The following FGF13 variants were observed in gnomAD, a reference collection of about 807,000 sequenced individuals.
FGF13 encodes fibroblast growth factor homologous factor 2.
In FGF13, 2 loss-of-function variants were observed where a neutral mutation model predicts 19.5. The observed-to-expected ratio is 0.10, with a 90% CI of 0.04 to 0.32. The LOEUF is 0.32. Ranked by LOEUF, FGF13 falls within the 10% of genes least tolerant of loss-of-function variation. The pLI is 1.00. For missense variants in FGF13, 113 were observed against 192.7 expected, an observed-to-expected ratio of 0.59 and a Z score of 2.45; for synonymous variants, 72 against 76.9, an observed-to-expected ratio of 0.94 and a Z score of 0.33.
chrX:139,093,184 A>C (rs1168247950), intron 1 of FGF13, among the ~76,000 whole-genome samples: 4 of 112,176 alleles, frequency 3.6e-5, no homozygotes, highest in Non-Finnish European at 5.6e-5. Context: ...AGAGATGTAA[A>C]ATTAGTCAGT....
At chrX:138,917,317 T>C (rs1054154396) in intron 1 of FGF13, among the ~76,000 whole-genome samples, 1 of 111,621 alleles carries the variant, frequency 9.0e-6, no homozygotes, top group Admixed American at 9.5e-5. Context: ...CTATAATTAC[T>C]GTTCTCACAA....
intron 1 of FGF13, among the ~76,000 whole-genome samples, chrX:138,979,455 A>G (rs2091954556): frequency 9.1e-6 from 1 of 110,095 alleles, no homozygotes; most frequent in Non-Finnish European, 1.9e-5. Context: ...ACATGTAAAC[A>G]ATGTGCAGGC....
At chrX:139,097,457 G>A (rs929919789) in intron 1 of FGF13, among the ~76,000 whole-genome samples, 5 of 111,238 alleles carry the variant, frequency 4.5e-5, no homozygotes, top group African/African-American at 1.3e-4. Flanking sequence ...GGATGAGATC[G>A]GGTGCATTCA....
rs1270053683 is a variant in FGF13, at chrX:138,620,874, T to TAAC, written c.*11973_*11975dup. ...AAAACAGACTTAAAGTCACAAACTG[T>TAAC]AACAAGAGACAAAGAATGCCATTAT... On this transcript the variant is annotated 3_prime_UTR_variant, in exon 5 of 5. Transcript: ENST00000315930. 9.0e-6 allele frequency: 1 copy of TAAC among 111,576 alleles called. No individual in the cohort carries two copies. The highest frequency in any genetic ancestry group is 2.8e-4 in the East Asian group (1 of 3,555). 9.2% of individuals were successfully genotyped at this position (111,576 alleles called of 1,213,427 possible).
intron 1 of FGF13, among the ~76,000 whole-genome samples, chrX:139,058,661 A>C (rs1366761066): frequency 1.8e-5 from 2 of 112,283 alleles, no homozygotes; most frequent in Non-Finnish European, 3.8e-5. Context: ...AGTAAGATGA[A>C]AAAATCTGTA....
At chrX:138,728,435 C>A (rs2090202326) in intron 1 of FGF13, among the ~76,000 whole-genome samples, 1 of 111,935 alleles carries the variant, frequency 8.9e-6, no homozygotes, top group Non-Finnish European at 1.9e-5. Context: ...CTCAAGTATG[C>A]ACAGAGTTTT....
chrX:138,750,287 A>G (rs955343164), intron 3 of FGF13, among the ~76,000 whole-genome samples: 1 of 112,137 alleles, frequency 8.9e-6, no homozygotes, highest in Non-Finnish European at 1.9e-5. Flanking sequence ...GGTTAGGTGA[A>G]AACAGTTGTT....
chrX:138,854,610 T>A (rs1288875493), downstream of FGF13, among the ~76,000 whole-genome samples: 3 of 112,329 alleles, frequency 2.7e-5, no homozygotes, highest in Non-Finnish European at 5.6e-5. Flanking sequence ...TTTTATCAAT[T>A]TAGTAATTCC....
Position 138,711,458 on chromosome X carries a change from G to T in FGF13, c.-455C>A. 1 of 715,493 alleles carries T rather than the reference G, an allele frequency of 1.4e-6. No homozygotes were observed. The highest frequency in any genetic ancestry group is 1.7e-6 in the Non-Finnish European group (1 of 602,174). The allele number at this position is 715,493 out of a possible 1,213,427, so 59.0% of individuals were successfully genotyped here. A position where few individuals can be genotyped will look rare whatever the true frequency, so the allele number is the denominator to read the frequency against. On this transcript the variant is annotated 5_prime_UTR_variant, in exon 1 of 5. Coordinates refer to ENST00000315930, the MANE Select transcript of FGF13 (RefSeq NM_004114.5). Reference sequence around the variant, plus strand: ...GGGAGTGAGCGCGGGCGGGAGAGAGGCCGGGAGCTCGGGCGGCCGGACGGA... The same window carrying T: ...GGGAGTGAGCGCGGGCGGGAGAGAGTCCGGGAGCTCGGGCGGCCGGACGGA...
intron 1 of FGF13, among the ~76,000 whole-genome samples, chrX:139,181,656 G>A (rs1252134802): frequency 8.9e-6 from 1 of 112,636 alleles, no homozygotes; most frequent in Non-Finnish European, 1.9e-5. Flanking sequence ...CACTATGCTT[G>A]AATTACACTA....
intron 3 of FGF13, among the ~76,000 whole-genome samples, chrX:138,803,007 C>A (rs2090841099): frequency 9.0e-6 from 1 of 111,729 alleles, no homozygotes; most frequent in Non-Finnish European, 1.9e-5. Context: ...AAACCTCAGA[C>A]TCATTGTTTT....
rs1190806443 is a variant in FGF13 at position 138,616,642 on chromosome X, T to TG, written c.*16207dup. The TG allele has an allele frequency of 8.9e-6, 1 of 112,386 alleles. No homozygotes were observed. The highest frequency in any genetic ancestry group is 1.9e-5 in the Non-Finnish European group (1 of 53,230). The allele number at this position is 112,386 out of a possible 1,213,427, so 9.3% of individuals were successfully genotyped here. On this transcript the variant is annotated 3_prime_UTR_variant, in exon 5 of 5. Coordinates refer to ENST00000315930, the MANE Select transcript of FGF13 (RefSeq NM_004114.5). ...ATACAGTGCCCCAGTGAAGACTCTG[T>TG]GGGGGAGCTCCAACCCCACATTTCC...
chrX:138,847,813 G>T (rs1569410411), intron 3 of FGF13, among the ~76,000 whole-genome samples: 1 of 111,722 alleles, frequency 9.0e-6, no homozygotes, highest in South Asian at 3.7e-4. Context: ...TGCAGTAGCC[G>T]ATTACATTTA....
intron 3 of FGF13, among the ~76,000 whole-genome samples, chrX:138,659,740 G>A (rs979199724): frequency 1.8e-5 from 2 of 111,938 alleles, no homozygotes; most frequent in African/African-American, 6.5e-5. Context: ...AAAAAAGAAT[G>A]CGTTCATGTC....
intron 1 of FGF13, among the ~76,000 whole-genome samples, chrX:138,729,418 A>T (rs921978253): frequency 9.9e-5 from 11 of 111,044 alleles, no homozygotes; most frequent in African/African-American, 3.3e-4. Context: ...TGAATATAGT[A>T]GAGAAAGGAA....
chrX:138,634,841 G>A (rs2089164230), intron 4 of FGF13, among the ~76,000 whole-genome samples: 1 of 112,024 alleles, frequency 8.9e-6, no homozygotes, highest in African/African-American at 3.3e-5. Context: ...ACAGTATGGA[G>A]AATCCTTAAA....
chrX:138,890,359 G>T (rs1480545699), intron 1 of FGF13, among the ~76,000 whole-genome samples: 1 of 111,875 alleles, frequency 8.9e-6, no homozygotes, highest in East Asian at 2.8e-4. Context: ...ATAAGATAGT[G>T]ATAGTGCTTC....
chrX:138,889,696 C>A (rs2091467157), intron 1 of FGF13, among the ~76,000 whole-genome samples: 1 of 111,300 alleles, frequency 9.0e-6, no homozygotes, highest in African/African-American at 3.3e-5. Flanking sequence ...CATGAAAAAT[C>A]ATTCTCATTC....
At position 138,962,115 on chromosome X, in the gene FGF13, C is replaced by G. The variant is rs6635736; in HGVS notation, c.-112-97465G>C. On this transcript the variant is annotated intron_variant, in intron 1 of 2. Coordinates refer to the FGF13 transcript ENST00000421460. ...ACCCATTTGAAAAAGGGTTAATATGCAGAATCTACAAAGAACTTAAACAAA... is the reference window on the plus strand; with the variant it reads ...ACCCATTTGAAAAAGGGTTAATATGGAGAATCTACAAAGAACTTAAACAAA... 9.1e-3 allele frequency among the ~76,000 whole-genome samples: 1,007 copies of G among 110,781 alleles called. 11 individuals are homozygous for G. Among genetic ancestry groups the G allele is most frequent in the African/African-American group, 0.031 (957 of 30,393 alleles).
Sources: gnomAD v4.1 joint callset for allele counts (sites outside exome capture counted in the v4.1 genomes callset) on GRCh38, gnomAD v4.1.1 for gene constraint, MANE v1.5 for transcripts, NCBI Gene and HGNC (gene_info 2026-07-23, HGNC 2026-07-21) for gene names.